PMS2: variants seen among roughly 807,000 people sequenced by gnomAD.
PMS2 encodes the protein mismatch repair endonuclease PMS2.
Under a neutral mutation model 90.0 loss-of-function variants are expected in PMS2, and 69 were observed. The observed-to-expected ratio is 0.77, with a 90% CI of 0.63 to 0.94. PMS2 has a LOEUF of 0.94. PMS2 is among the 40% of genes least tolerant of loss of function. The pLI is 0.00. For missense variants in PMS2, 966 were observed against 1,040.2 expected, an observed-to-expected ratio of 0.93 and a Z score of 0.98; for synonymous variants, 332 against 375.1, an observed-to-expected ratio of 0.89 and a Z score of 1.33.
At chr7:5,984,558 G>A (rs112638023) in intron 11 of PMS2, among the ~76,000 whole-genome samples, 9 of 151,830 alleles carry the variant, frequency 5.9e-5, no homozygotes, top group East Asian at 3.9e-4. Flanking sequence ...GACAAGGTGG[G>A]CAGATCATTT....
intron 6 of PMS2, among the ~76,000 whole-genome samples, chr7:5,997,761 G>C (rs1583377705): frequency 6.6e-6 from 1 of 152,032 alleles, no homozygotes; most frequent in South Asian, 2.1e-4. Context: ...TGTTATCCAA[G>C]CTGGTCTTAA....
At chr7:6,005,687 G>A (rs1785655552) in intron 2 of PMS2, among the ~76,000 whole-genome samples, 1 of 152,108 alleles carries the variant, frequency 6.6e-6, no homozygotes, top group South Asian at 2.1e-4. Flanking sequence ...CACCTGCCTG[G>A]CACACCGTAA....
rs552828491 is a variant in PMS2, at chr7:5,996,165, G to C, written c.804-532C>G. 2.0e-5 allele frequency among the ~76,000 whole-genome samples: 3 copies of C among 152,242 alleles called. No individual in the cohort carries two copies. In the East Asian group the frequency reaches 5.8e-4, roughly 29 times the overall value. On this transcript the variant is annotated intron_variant, in intron 7 of 14. Coordinates refer to ENST00000265849, the MANE Select transcript of PMS2 (RefSeq NM_000535.7). The stretch of plus-strand genomic sequence containing the variant: ...CACCACCTTCACATAAAGACATAAA[G>C]CTCCATGTTTACCATTTCAGGCATA...
chr7:5,999,194 C>G lies in PMS2; in HGVS notation c.619G>C (p.Gly207Arg), dbSNP rs368847322. 6.2e-7 allele frequency: 1 copy of G among 1,614,054 alleles called. No individual in the cohort carries two copies. The change falls in exon 6 of 15, where the codon GGA (glycine) becomes CGA (arginine). Residue 207 changes from glycine (G) to arginine (R), a missense_variant. Gly to Arg is a moderately radical substitution (Grantham distance 125). This residue lies in a region of PMS2 where 871 missense variants were observed against 802.4 expected (regional missense o/e 1.09). Transcript: ENST00000265849. ...GIRVSCTNQL[G>R]QGKRQPVVCT... ...ACCACAGGCTGTCGTTTTCCTTGTCCAAGCTGATTGGTGCAACTTACACGG... is the reference window on the plus strand; with the variant it reads ...ACCACAGGCTGTCGTTTTCCTTGTCGAAGCTGATTGGTGCAACTTACACGG...
chr7:6,001,610 C>G lies in PMS2; in HGVS notation c.537+843G>C, dbSNP rs540945031. 1.6e-4 allele frequency among the ~76,000 whole-genome samples: 25 copies of G among 152,162 alleles called. No homozygotes were observed. In the South Asian group the frequency reaches 4.4e-3, roughly 26 times the overall value. ...GGCTTTGATCTCTTGACCTCGTGAT[C>G]CACCCGCCTCAGCCTCCCAAAGTGC... On this transcript the variant is annotated intron_variant, in intron 5 of 14. Coordinates refer to ENST00000265849, the MANE Select transcript of PMS2 (RefSeq NM_000535.7).
intron 8 of PMS2, among the ~76,000 whole-genome samples, chr7:5,994,775 AG>A (rs1784192822): frequency 1.3e-5 from 2 of 151,762 alleles, no homozygotes; most frequent in Non-Finnish European, 2.9e-5. Flanking sequence ...ACTCCGTCTC[AG>A]AAAAAAAAAA....
intron 14 of PMS2, among the ~76,000 whole-genome samples, chr7:5,976,035 T>C (rs1436404827): frequency 1.2e-4 from 17 of 144,574 alleles, no homozygotes; most frequent in African/African-American, 3.9e-4. Context: ...GGTCAGGAGA[T>C]CAACACCAGC....
rs532873274 is a variant in PMS2 at position 5,994,846 on chromosome 7, T to C, written c.903+688A>G. ...CTTTGTGATAACCTAACCTACTGAA[T>C]GTCCCATCTCAGCCTTGCCTCAGAA... On this transcript the variant is annotated intron_variant, in intron 8 of 14. Coordinates refer to ENST00000265849, the MANE Select transcript of PMS2 (RefSeq NM_000535.7). 7.9e-5 allele frequency among the ~76,000 whole-genome samples: 12 copies of C among 152,158 alleles called. 1 individual carries two copies. In the South Asian group the frequency reaches 2.3e-3, roughly 29 times the overall value.
chr7:6,001,290 A>G (rs1785060785), intron 5 of PMS2, among the ~76,000 whole-genome samples: 1 of 152,182 alleles, frequency 6.6e-6, no homozygotes, highest in East Asian at 1.9e-4. Context: ...CACAACGACT[A>G]TATAACATTT....
chr7:5,982,789 G>C (rs2128701777), intron 12 of PMS2, 35 bp downstream of exon 12: 1 of 1,610,114 alleles, frequency 6.2e-7, no homozygotes. Context: ...TTCAATTTGA[G>C]GGGGAGTCTG....
rs2128801302 is a variant in PMS2 at position 5,999,220 on chromosome 7, A to G, written c.593T>C (p.Ile198Thr). The change falls in exon 6 of 15, where the codon ATC becomes ACC. Residue 198 changes from isoleucine (I) to threonine (T), a missense_variant. Physicochemically the swap from Ile to Thr is moderately conservative, Grantham distance 89. Coordinates refer to ENST00000265849, the MANE Select transcript of PMS2 (RefSeq NM_000535.7). Reference sequence around the variant, plus strand: ...AAGCTGATTGGTGCAACTTACACGGATGCCTGCTGAAATGATACAGTATGC... The same window carrying G: ...AAGCTGATTGGTGCAACTTACACGGGTGCCTGCTGAAATGATACAGTATGC... ...LHAYCIISAGIRVSCTNQLGQ... is the reference protein window; with the variant it reads ...LHAYCIISAGTRVSCTNQLGQ... The G allele has an allele frequency of 6.2e-7, 1 of 1,614,056 alleles. No individual in the cohort carries two copies.
chr7:5,992,468 C>T (rs1481507572), intron 8 of PMS2, among the ~76,000 whole-genome samples: 15 of 152,084 alleles, frequency 9.9e-5, no homozygotes, highest in African/African-American at 2.4e-4. Context: ...TACAGGCACA[C>T]GCCACCATGA....
intron 5 of PMS2, among the ~76,000 whole-genome samples, chr7:6,001,478 C>A (rs1048329083): frequency 5.3e-5 from 8 of 150,376 alleles, no homozygotes; most frequent in African/African-American, 1.7e-4. Flanking sequence ...TCCAGCGATT[C>A]TCCTGCCTCA....
At chr7:5,980,908 A>C (rs1782214909) in intron 12 of PMS2, among the ~76,000 whole-genome samples, 1 of 151,500 alleles carries the variant, frequency 6.6e-6, no homozygotes, top group African/African-American at 2.4e-5. Flanking sequence ...ACTACACAGG[A>C]GAGTACTCAG....
At chr7:6,000,746 T>A (rs967163541) in intron 5 of PMS2, among the ~76,000 whole-genome samples, 4 of 152,116 alleles carry the variant, frequency 2.6e-5, no homozygotes, top group African/African-American at 9.7e-5. Flanking sequence ...ATCCCAGCAC[T>A]TTGGGAGGCT....
intron 8 of PMS2, among the ~76,000 whole-genome samples, chr7:5,993,370 C>CAAAA (rs141290969): frequency 2.3e-3 from 169 of 72,126 alleles, no homozygotes; most frequent in African/African-American, 3.1e-3. Context: ...GACTCCGTCT[C>CAAAA]AAAAAAAAAA....
intron 10 of PMS2, 136 bp downstream of exon 10, chr7:5,989,664 C>G: frequency 1.5e-6 from 1 of 651,588 alleles, no homozygotes; most frequent in Non-Finnish European, 2.6e-6. Flanking sequence ...AAGTCCCTGT[C>G]TCAAAAAAGA....
chr7:5,989,885 T>C lies in PMS2; in HGVS notation c.1059A>G (p.Ala353=), dbSNP rs876660930. Residue 353 remains alanine, a synonymous_variant, in exon 10 of 15, where the codon GCA becomes GCG. Coordinates refer to ENST00000265849, the MANE Select transcript of PMS2 (RefSeq NM_000535.7). ...ILLQEEKLLL[A]VLKTSLIGMF... The stretch of plus-strand genomic sequence containing the variant: ...TTCCTATCAAAGAGGTCTTTAAAAC[T>C]GCCAACAAAAGCTTTTCCTCTTGTA... 3 of 1,612,402 alleles carry C rather than the reference T, an allele frequency of 1.9e-6. No individual in the cohort carries two copies. The highest frequency in any genetic ancestry group is 2.5e-6 in the Non-Finnish European group (3 of 1,178,722).
chr7:6,009,014 C>T lies in PMS2; in HGVS notation c.6G>A (p.Glu2=), dbSNP rs774177383. 4.3e-6 allele frequency: 7 copies of T among 1,612,528 alleles called. No individual in the cohort carries two copies. Among genetic ancestry groups the T allele is most frequent in the Non-Finnish European group, 5.9e-6 (7 of 1,179,858 alleles). ...CCGCTCACCTCGAGCTCTCAGCTCG[C>T]TCCATGGATGCAACACCCGATCCGC... The part of the protein sequence containing the change: M[E]RAESSSTEPA... The change falls in exon 1 of 15, where the codon GAG becomes GAA. Residue 2 remains glutamate (E), a synonymous_variant. Transcript: ENST00000265849.
Sources: gnomAD v4.1 joint callset for allele counts (sites outside exome capture counted in the v4.1 genomes callset) on GRCh38, gnomAD v4.1.1 for gene constraint, gnomAD v4.1.1 regional missense constraint, MANE v1.5 for transcripts, NCBI Gene and HGNC (gene_info 2026-07-23, HGNC 2026-07-21) for gene names.